The following MSI2 variants were observed in gnomAD, a reference collection of about 807,000 sequenced individuals.
MSI2 encodes RNA-binding protein Musashi homolog 2.
Under a neutral mutation model 45.6 loss-of-function variants are expected in MSI2, and 17 were observed. The observed-to-expected ratio is 0.37, with a 90% confidence interval of 0.26 to 0.56. The LOEUF (loss-of-function observed/expected upper bound fraction) is 0.56. Ranked by LOEUF, MSI2 falls within the 20% of genes least tolerant of loss-of-function variation. MSI2 has a pLI of 0.77. For missense variants in MSI2, 293 were observed against 444.2 expected (o/e 0.66, Z 3.06); for synonymous variants, 156 against 158.2 (o/e 0.99, Z 0.11).
At chr17:57,670,041 CT>C (rs1912668348) in intron 11 of MSI2, among the ~76,000 whole-genome samples, 1 of 152,232 alleles carries the variant, frequency 6.6e-6, no homozygotes, top group Non-Finnish European at 1.5e-5. Flanking sequence ...TGGTGGGCCC[CT>C]GGCTTGTTCC....
intron 5 of MSI2, among the ~76,000 whole-genome samples, chr17:57,360,264 T>C (rs1916728583): frequency 1.3e-5 from 2 of 152,258 alleles, no homozygotes; most frequent in African/African-American, 4.8e-5. Flanking sequence ...ATTTGTTTAT[T>C]GGTGGATTTT....
chr17:57,583,895 C>T (rs550637200), intron 7 of MSI2, among the ~76,000 whole-genome samples: 72 of 152,328 alleles, frequency 4.7e-4, no homozygotes, highest in Admixed American at 1.0e-3. Context: ...TGAAATTTTT[C>T]CCTGAGTGGC....
intron 9 of MSI2, among the ~76,000 whole-genome samples, chr17:57,624,041 G>A (rs188862347): frequency 6.6e-6 from 1 of 152,294 alleles, no homozygotes; most frequent in African/African-American, 2.4e-5. Context: ...ACCCAAAGTT[G>A]GGGTGAACTT....
chr17:57,486,037 T>C (rs2085747961), intron 6 of MSI2, among the ~76,000 whole-genome samples: 1 of 152,230 alleles, frequency 6.6e-6, no homozygotes, highest in African/African-American at 2.4e-5. Context: ...ACCAGGCTCA[T>C]TCCCTCAGTC....
chr17:57,324,416 C>T (rs1913618574), intron 5 of MSI2, among the ~76,000 whole-genome samples: 1 of 152,174 alleles, frequency 6.6e-6, no homozygotes, highest in African/African-American at 2.4e-5. Context: ...ACACCTCTGA[C>T]CTCTGATGGG....
Position 57,616,064 on chromosome 17 carries a change from T to C in MSI2, c.632T>C (p.Met211Thr). ...RGLPYTMDAF[M>T]LGMGMLGYPN... is the part of the protein sequence containing the mutation. ...CTGCCTTACACCATGGACGCGTTCA[T>C]GCTTGGCATGGGGATGCTGGGTGAG... The change falls in exon 9 of 14, where the codon ATG (methionine) becomes ACG (threonine). Residue 211 changes from methionine to threonine, a missense_variant. Transcript: ENST00000284073. 6.2e-7 allele frequency: 1 copy of C among 1,614,010 alleles called. No individual in the cohort carries two copies. Among genetic ancestry groups the C allele is most frequent in the Non-Finnish European group, 8.5e-7 (1 of 1,179,922 alleles).
chr17:57,451,914 C>T (rs1442528556), intron 6 of MSI2, among the ~76,000 whole-genome samples: 1 of 152,250 alleles, frequency 6.6e-6, no homozygotes, highest in Non-Finnish European at 1.5e-5. Context: ...GCTGGCTAGC[C>T]GGTTCCAAAA....
intron 5 of MSI2, among the ~76,000 whole-genome samples, chr17:57,381,953 G>A (rs1182995082): frequency 2.6e-5 from 4 of 152,182 alleles, no homozygotes; most frequent in African/African-American, 9.7e-5. Flanking sequence ...TTTGGGGGAT[G>A]CAAAGATGAA....
chr17:57,401,803 G>A (rs1598219529), intron 6 of MSI2, among the ~76,000 whole-genome samples: 1 of 152,144 alleles, frequency 6.6e-6, no homozygotes, highest in East Asian at 1.9e-4. Context: ...CAGGGCAGGA[G>A]CTCCCATGGA....
chr17:57,502,934 G>T (rs1468476033), intron 6 of MSI2, among the ~76,000 whole-genome samples: 1 of 151,970 alleles, frequency 6.6e-6, no homozygotes, highest in Non-Finnish European at 1.5e-5. Context: ...TTCTGTTTAT[G>T]ACTAATTGCT....
chr17:57,301,911 G>A (rs1036092572), intron 5 of MSI2, among the ~76,000 whole-genome samples: 2 of 152,246 alleles, frequency 1.3e-5, no homozygotes, highest in Middle Eastern at 6.8e-3. Flanking sequence ...ACTAGAAACT[G>A]CATTGCAAAG....
At chr17:57,275,824 C>T (rs894880808) in intron 5 of MSI2, among the ~76,000 whole-genome samples, 15 of 152,300 alleles carry the variant, frequency 9.8e-5, no homozygotes, top group Middle Eastern at 3.4e-3. Flanking sequence ...ATATTTGCTG[C>T]TCCATTAAGT....
chr17:57,637,816 G>A (rs1909953729), intron 10 of MSI2, among the ~76,000 whole-genome samples: 1 of 152,214 alleles, frequency 6.6e-6, no homozygotes, highest in East Asian at 1.9e-4. Flanking sequence ...ATGGCAGGAT[G>A]GCAGCAGCTA....
At chr17:57,323,751 C>T (rs1455589878) in intron 5 of MSI2, among the ~76,000 whole-genome samples, 5 of 152,210 alleles carry the variant, frequency 3.3e-5, no homozygotes, top group East Asian at 1.9e-4. Flanking sequence ...TGGGTGTCAA[C>T]GGGGGCATTT....
chr17:57,359,785 T>C (rs934669875), intron 5 of MSI2, among the ~76,000 whole-genome samples: 1 of 152,238 alleles, frequency 6.6e-6, no homozygotes, highest in African/African-American at 2.4e-5. Flanking sequence ...GTTGGCTTAC[T>C]CTGCTTTCTT....
intron 5 of MSI2, among the ~76,000 whole-genome samples, chr17:57,359,733 C>G (rs1454203449): frequency 6.6e-6 from 1 of 152,186 alleles, no homozygotes; most frequent in Non-Finnish European, 1.5e-5. Context: ...CTGGCTGAAG[C>G]CCTGTCGAGC....
At chr17:57,636,541 C>G (rs1233169495) in intron 10 of MSI2, among the ~76,000 whole-genome samples, 3 of 152,194 alleles carry the variant, frequency 2.0e-5, no homozygotes, top group South Asian at 4.1e-4. Flanking sequence ...GGAGCTGCTT[C>G]CTGCCTTGGC....
At chr17:57,508,064 G>A (rs549696177) in intron 6 of MSI2, among the ~76,000 whole-genome samples, 126 of 152,320 alleles carry the variant, frequency 8.3e-4, no homozygotes, top group African/African-American at 2.4e-3. Flanking sequence ...ACTTCAGAGC[G>A]CAGCAGCAGC....
At chr17:57,377,630 A>C (rs578000240) in intron 5 of MSI2, among the ~76,000 whole-genome samples, 1 of 152,352 alleles carries the variant, frequency 6.6e-6, no homozygotes, top group South Asian at 2.1e-4. Flanking sequence ...GGATTCTGCA[A>C]ATGGCAGAAT....
Sources: allele counts gnomAD v4.1 joint callset (sites outside exome capture counted in the v4.1 genomes callset), GRCh38; gene constraint gnomAD v4.1.1; transcripts MANE v1.5; gene names NCBI Gene and HGNC (gene_info 2026-07-23, HGNC 2026-07-21).